Variants in LGSN observed in about 807,000 individuals in gnomAD.
The protein encoded by LGSN is lengsin.
A neutral mutation model predicts 19.5 loss-of-function variants in LGSN; 21 were observed. That is an observed-to-expected ratio of 1.07 (90% CI 0.76 to 1.55). The LOEUF (loss-of-function observed/expected upper bound fraction) is 1.55, where lower values mean the gene tolerates loss of function less well. Ranked by LOEUF, LGSN falls within the 40% of genes most tolerant of loss-of-function variation. The pLI is 0.00. For missense variants in LGSN, 673 were observed against 608.5 expected (o/e 1.11, Z -1.12); for synonymous variants, 257 against 215.6 (o/e 1.19, Z -1.68).
chr6:63,422,603 C>T, the LGSN span, among the ~76,000 whole-genome samples: 1 of 151,950 alleles, frequency 6.6e-6, no homozygotes, highest in Non-Finnish European at 1.5e-5. Context: ...CATTAGTAGA[C>T]TGAGATAAGT....
the LGSN span, among the ~76,000 whole-genome samples, chr6:63,332,205 C>T: frequency 7.9e-5 from 12 of 152,022 alleles, no homozygotes; most frequent in Non-Finnish European, 1.8e-4. Context: ...GCCTGGGTGC[C>T]TAAAGAAGGT....
chr6:63,352,026 A>G, the LGSN span, among the ~76,000 whole-genome samples: 2 of 152,262 alleles, frequency 1.3e-5, no homozygotes, highest in African/African-American at 4.8e-5. Context: ...GTAAGTAACA[A>G]ATAGACAAAT....
At chr6:63,406,479 A>T in the LGSN span, among the ~76,000 whole-genome samples, 1 of 146,392 alleles carries the variant, frequency 6.8e-6, no homozygotes, top group African/African-American at 2.7e-5. Flanking sequence ...TTGAAACCAA[A>T]GAGAACAAAG....
chr6:63,455,000 C>T, the LGSN span, among the ~76,000 whole-genome samples: 1 of 150,474 alleles, frequency 6.6e-6, no homozygotes, highest in Non-Finnish European at 1.5e-5. Flanking sequence ...ACCACGTTGG[C>T]CAGGCTGGTC....
At chr6:63,561,875 G>A in the LGSN span, among the ~76,000 whole-genome samples, 5 of 152,168 alleles carry the variant, frequency 3.3e-5, no homozygotes, top group Non-Finnish European at 5.9e-5. Flanking sequence ...CTGCTGTCAG[G>A]TTAGGATAAC....
At chr6:63,320,111 G>T, upstream of LGSN, 1 of 604,390 alleles carries the variant, frequency 1.7e-6, no homozygotes, top group Non-Finnish European at 3.0e-6. Flanking sequence ...ATTCTGATGT[G>T]TCATGCCCAA....
chr6:63,325,648 C>T, the LGSN span, among the ~76,000 whole-genome samples: 4 of 152,210 alleles, frequency 2.6e-5, no homozygotes, highest in South Asian at 2.1e-4. Flanking sequence ...AAAATGAAGC[C>T]GCAGACCCTC....
intron 2 of LGSN, among the ~76,000 whole-genome samples, chr6:63,292,642 C>T (rs1361157594): frequency 6.6e-6 from 1 of 152,178 alleles, no homozygotes; most frequent in Non-Finnish European, 1.5e-5. Flanking sequence ...AAGTGAGCTT[C>T]CTTGGTTGGC....
At chr6:63,300,003 T>G (rs1194189046) in intron 1 of LGSN, among the ~76,000 whole-genome samples, 1 of 152,220 alleles carries the variant, frequency 6.6e-6, no homozygotes, top group Non-Finnish European at 1.5e-5. Flanking sequence ...CATCTTACTG[T>G]GAGCTTATAT....
chr6:63,416,960 T>C, the LGSN span, among the ~76,000 whole-genome samples: 34 of 129,938 alleles, frequency 2.6e-4, no homozygotes, highest in Non-Finnish European at 4.7e-4. Context: ...CACACACACA[T>C]TTAACGAAAG....
chr6:63,564,111 C>G, the LGSN span, among the ~76,000 whole-genome samples: 1 of 152,020 alleles, frequency 6.6e-6, no homozygotes, highest in Non-Finnish European at 1.5e-5. Context: ...CCCATCTCTA[C>G]TAAAAATACA....
At chr6:63,319,012 G>A (rs917895884) in intron 1 of LGSN, among the ~76,000 whole-genome samples, 3 of 152,162 alleles carry the variant, frequency 2.0e-5, no homozygotes, top group African/African-American at 7.2e-5. Context: ...ATAAGCCACA[G>A]CTCCTCCTCA....
chr6:63,360,095 A>G, the LGSN span, among the ~76,000 whole-genome samples: 1 of 151,988 alleles, frequency 6.6e-6, no homozygotes, highest in African/African-American at 2.4e-5. Context: ...TGCTCTTAAC[A>G]TTTTTTCCTT....
chr6:63,377,013 T>C, the LGSN span, among the ~76,000 whole-genome samples: 1 of 151,822 alleles, frequency 6.6e-6, no homozygotes, highest in Non-Finnish European at 1.5e-5. Context: ...TTAAGAAAAT[T>C]ACTTTAGGTG....
At chr6:63,306,237 G>C (rs1305349782) in intron 1 of LGSN, among the ~76,000 whole-genome samples, 2 of 152,130 alleles carry the variant, frequency 1.3e-5, no homozygotes, top group African/African-American at 4.8e-5. Flanking sequence ...CAGGGGTTAG[G>C]TAATTTGTTC....
chr6:63,367,474 A>C, the LGSN span, among the ~76,000 whole-genome samples: 7 of 151,910 alleles, frequency 4.6e-5, no homozygotes, highest in East Asian at 1.9e-4. Context: ...GAAATAGGAA[A>C]GCTTTTACAC....
chr6:63,433,142 T>C, the LGSN span, among the ~76,000 whole-genome samples: 1 of 151,486 alleles, frequency 6.6e-6, no homozygotes, highest in Admixed American at 6.6e-5. Flanking sequence ...ATCTGGCTCT[T>C]TTATCATCGC....
the LGSN span, among the ~76,000 whole-genome samples, chr6:63,489,250 C>A: frequency 1.3e-5 from 2 of 152,166 alleles, no homozygotes; most frequent in Non-Finnish European, 2.9e-5. Flanking sequence ...ATACACAATG[C>A]TAAAGAGATA....
intron 1 of LGSN, among the ~76,000 whole-genome samples, chr6:63,314,036 A>C (rs1481303292): frequency 6.6e-6 from 1 of 152,118 alleles, no homozygotes; most frequent in Non-Finnish European, 1.5e-5. Context: ...TAAAGGAATT[A>C]ACTTTAATAC....
Sources: gnomAD v4.1 joint callset for allele counts (sites outside exome capture counted in the v4.1 genomes callset) on GRCh38, gnomAD v4.1.1 for gene constraint, MANE v1.5 for transcripts, NCBI Gene and HGNC (gene_info 2026-07-23, HGNC 2026-07-21) for gene names.